The following PPM1L variants were observed in gnomAD, a reference collection of about 807,000 sequenced individuals.
PPM1L encodes the protein protein phosphatase 1L.
A neutral mutation model predicts 31.4 loss-of-function variants in PPM1L; 13 were observed. The observed-to-expected ratio is 0.41, with a 90% confidence interval of 0.27 to 0.66. The LOEUF (loss-of-function observed/expected upper bound fraction) is 0.66, where lower values mean the gene tolerates loss of function less well. PPM1L is among the 30% of genes least tolerant of loss of function. PPM1L has a pLI of 0.29. For missense variants in PPM1L, 326 were observed against 453.7 expected (o/e 0.72, Z 2.56); for synonymous variants, 184 against 175.4 (o/e 1.05, Z -0.39).
chr3:160,765,750 T>G (rs1404362625), intron 1 of PPM1L, among the ~76,000 whole-genome samples: 1 of 152,222 alleles, frequency 6.6e-6, no homozygotes, highest in Non-Finnish European at 1.5e-5. Context: ...TACCAAAGGC[T>G]TGACTTTAGG....
chr3:160,786,155 CTCTGTG>C (rs1451288168), intron 1 of PPM1L, among the ~76,000 whole-genome samples: 9 of 83,198 alleles, frequency 1.1e-4, no homozygotes, highest in East Asian at 4.5e-4. Flanking sequence ...CTCTCTCTCT[CTCTGTG>C]TGTGTGTGTG....
At chr3:160,903,468 A>G (rs1281739609) in intron 1 of PPM1L, among the ~76,000 whole-genome samples, 1 of 152,178 alleles carries the variant, frequency 6.6e-6, no homozygotes, top group Non-Finnish European at 1.5e-5. Flanking sequence ...ACTTAAAATC[A>G]TCTGATTGTG....
At chr3:160,887,294 A>G (rs1380969624) in intron 1 of PPM1L, among the ~76,000 whole-genome samples, 1 of 152,120 alleles carries the variant, frequency 6.6e-6, no homozygotes, top group African/African-American at 2.4e-5. Flanking sequence ...ACTTCAGGAT[A>G]CATCCAGGAG....
intron 1 of PPM1L, among the ~76,000 whole-genome samples, chr3:160,931,346 G>A (rs77246124): frequency 0.017 from 2,526 of 152,280 alleles, 46 homozygotes; most frequent in Non-Finnish European, 0.021. Flanking sequence ...GAACAGGAGA[G>A]ATCAAATGGG....
chr3:160,907,475 A>AT (rs1356833026), intron 1 of PPM1L, among the ~76,000 whole-genome samples: 1 of 151,884 alleles, frequency 6.6e-6, no homozygotes, highest in African/African-American at 2.4e-5. Flanking sequence ...ATGTGCATAC[A>AT]TTTTTCTTTT....
At chr3:161,014,944 G>A (rs1346329392) in intron 2 of PPM1L, among the ~76,000 whole-genome samples, 1 of 152,118 alleles carries the variant, frequency 6.6e-6, no homozygotes, top group African/African-American at 2.4e-5. Context: ...AGTTTCCTTG[G>A]TGCTGTATGC....
intron 1 of PPM1L, among the ~76,000 whole-genome samples, chr3:160,794,905 A>G (rs1009621896): frequency 4.6e-5 from 7 of 152,196 alleles, no homozygotes; most frequent in African/African-American, 1.7e-4. Context: ...AGCTTGCTTT[A>G]GAGAAAGAGG....
intron 1 of PPM1L, among the ~76,000 whole-genome samples, chr3:160,849,417 TTC>T (rs1714189154): frequency 6.6e-6 from 1 of 151,368 alleles, no homozygotes; most frequent in African/African-American, 2.5e-5. Flanking sequence ...CTTTCTTTCT[TTC>T]TTTTTTTTTT....
At chr3:160,866,311 A>T (rs555274912) in intron 1 of PPM1L, among the ~76,000 whole-genome samples, 2 of 152,236 alleles carry the variant, frequency 1.3e-5, no homozygotes, top group Non-Finnish European at 2.9e-5. Flanking sequence ...TTTATAAATT[A>T]TGAAGGTTAT....
chr3:160,936,119 T>A (rs1714962696), intron 1 of PPM1L, among the ~76,000 whole-genome samples: 1 of 150,624 alleles, frequency 6.6e-6, no homozygotes, highest in Non-Finnish European at 1.5e-5. Flanking sequence ...TTGGAGAGAA[T>A]TTTTTTTTTC....
At chr3:160,909,102 T>C (rs1341803520) in intron 1 of PPM1L, among the ~76,000 whole-genome samples, 1 of 152,200 alleles carries the variant, frequency 6.6e-6, no homozygotes, top group African/African-American at 2.4e-5. Context: ...AATAATTTTA[T>C]GTTTTCTACA....
intron 2 of PPM1L, among the ~76,000 whole-genome samples, chr3:161,058,020 T>C (rs1042497066): frequency 1.3e-5 from 2 of 151,056 alleles, no homozygotes; most frequent in African/African-American, 2.4e-5. Flanking sequence ...GGTTAATTAA[T>C]CCAAACGTCT....
intron 1 of PPM1L, among the ~76,000 whole-genome samples, chr3:160,927,710 C>T (rs1006632538): frequency 1.3e-5 from 2 of 152,034 alleles, no homozygotes; most frequent in South Asian, 2.1e-4. Context: ...TGCCTCTCTC[C>T]CTCTGGTAGC....
chr3:161,074,480 C>T lies in PPM1L; in HGVS notation c.*5323C>T, dbSNP rs1013327820. 6.6e-6 allele frequency: 1 copy of T among 152,172 alleles called. No individual in the cohort carries two copies. The highest frequency in any genetic ancestry group is 1.5e-5 in the Non-Finnish European group (1 of 68,028). The allele number at this position is 152,172 out of a possible 1,614,324, so 9.4% of individuals were successfully genotyped here. Reference sequence around the variant, plus strand: ...CATCCAATATTTAGGAATAGCTCATCCTCTGCACATTATCCAAAATATTTT... The same window carrying T: ...CATCCAATATTTAGGAATAGCTCATTCTCTGCACATTATCCAAAATATTTT... On this transcript the variant is annotated 3_prime_UTR_variant, in exon 4 of 4. Coordinates refer to ENST00000498165, the MANE Select transcript of PPM1L (RefSeq NM_139245.4).
At chr3:160,840,440 T>C (rs749780667) in intron 1 of PPM1L, among the ~76,000 whole-genome samples, 62 of 152,088 alleles carry the variant, frequency 4.1e-4, no homozygotes, top group Admixed American at 1.3e-4. Context: ...CAGATGTACA[T>C]ATAGATATAC....
At chr3:160,786,153 C>G (rs543833449) in intron 1 of PPM1L, among the ~76,000 whole-genome samples, 3,852 of 73,804 alleles carry the variant, frequency 0.052, 154 homozygotes, top group African/African-American at 0.11. Flanking sequence ...CTCTCTCTCT[C>G]TCTCTGTGTG....
rs573883800 is a variant in PPM1L at position 160,770,202 on chromosome 3, G to T, written c.399+13495G>T. Among the ~76,000 whole-genome samples, 38 of 152,104 alleles carry T rather than the reference G, an allele frequency of 2.5e-4. 1 individual carries two copies. In the South Asian group the frequency reaches 7.3e-3, roughly 29 times the overall value. On this transcript the variant is annotated intron_variant, in intron 1 of 3. Coordinates refer to ENST00000498165, the MANE Select transcript of PPM1L (RefSeq NM_139245.4). ...TGCCATTATATTGACTACAGATAATGTAATTTTGTCTCCTACTTTCTAGAT... is the reference window on the plus strand; with the variant it reads ...TGCCATTATATTGACTACAGATAATTTAATTTTGTCTCCTACTTTCTAGAT...
intron 1 of PPM1L, among the ~76,000 whole-genome samples, chr3:160,898,347 T>C (rs1160475764): frequency 1.3e-5 from 2 of 152,118 alleles, no homozygotes; most frequent in Non-Finnish European, 2.9e-5. Context: ...CAGAGGGAAA[T>C]TGAATAAATG....
At chr3:160,935,229 A>G (rs1159976719) in intron 1 of PPM1L, among the ~76,000 whole-genome samples, 1 of 152,180 alleles carries the variant, frequency 6.6e-6, no homozygotes, top group African/African-American at 2.4e-5. Context: ...ATTATAAATA[A>G]TAACTCCTGT....
Sources: gnomAD v4.1 joint callset for allele counts (sites outside exome capture counted in the v4.1 genomes callset) on GRCh38, gnomAD v4.1.1 for gene constraint, MANE v1.5 for transcripts, NCBI Gene and HGNC (gene_info 2026-07-23, HGNC 2026-07-21) for gene names.